Variants in MB21D2 observed in about 807,000 individuals in gnomAD.
MB21D2 encodes the protein Mab-21 domain containing 2.
Under a neutral mutation model 33.3 loss-of-function variants are expected in MB21D2, and 9 were observed. That is an observed-to-expected ratio of 0.27 (90% CI 0.16 to 0.47). MB21D2 has a LOEUF of 0.47. Ranked by LOEUF, MB21D2 falls within the 20% of genes least tolerant of loss-of-function variation. MB21D2 has a pLI of 0.99. For synonymous variants in MB21D2, 241 were observed against 236.3 expected (o/e 1.02, Z -0.18); for missense variants, 540 against 624.6 (o/e 0.86, Z 1.44).
chr3:192,844,800 C>T (rs184899541), intron 1 of MB21D2, among the ~76,000 whole-genome samples: 2 of 152,318 alleles, frequency 1.3e-5, no homozygotes, highest in East Asian at 3.9e-4. Context: ...ACAAGGACAC[C>T]ATTCACATAC....
At chr3:192,811,101 C>T (rs1018480277) in intron 1 of MB21D2, among the ~76,000 whole-genome samples, 1 of 152,224 alleles carries the variant, frequency 6.6e-6, no homozygotes, top group Non-Finnish European at 1.5e-5. Flanking sequence ...TGCAAGAGAA[C>T]TGACACCATT....
Position 192,797,147 on chromosome 3 carries a change from C to G in MB21D2, c.*1239G>C, listed in dbSNP as rs927360073. The stretch of plus-strand genomic sequence containing the variant: ...GCACCTAATCAGGCAAGTAACTTCA[C>G]TCATGAAGACAGGACACCTCTATAC... On this transcript the variant is annotated 3_prime_UTR_variant, in exon 2 of 2. Transcript: ENST00000392452. 6 of 152,796 alleles carry G rather than the reference C, an allele frequency of 3.9e-5. No homozygotes were observed. The highest frequency in any genetic ancestry group is 1.4e-4 in the African/African-American group (6 of 41,564). 9.5% of individuals were successfully genotyped at this position (152,796 alleles called of 1,614,324 possible).
intron 1 of MB21D2, among the ~76,000 whole-genome samples, chr3:192,816,912 G>A (rs1463411556): frequency 6.6e-6 from 1 of 151,852 alleles, no homozygotes; most frequent in African/African-American, 2.4e-5. Context: ...TTTCTCATAA[G>A]GTTCTTGGGA....
chr3:192,843,135 C>T (rs138057347), intron 1 of MB21D2, among the ~76,000 whole-genome samples: 1 of 152,034 alleles, frequency 6.6e-6, no homozygotes, highest in Non-Finnish European at 1.5e-5. Context: ...GGTCACAGAG[C>T]CTGAAGATTA....
intron 1 of MB21D2, among the ~76,000 whole-genome samples, chr3:192,805,431 T>C (rs550147901): frequency 2.6e-5 from 4 of 152,372 alleles, no homozygotes; most frequent in African/African-American, 9.6e-5. Flanking sequence ...AGAGTCTGCT[T>C]TATTTTGCAT....
chr3:192,801,779 C>A (rs528842249), intron 1 of MB21D2, among the ~76,000 whole-genome samples: 2 of 152,194 alleles, frequency 1.3e-5, no homozygotes, highest in Non-Finnish European at 2.9e-5. Context: ...TTTGACATAA[C>A]AGCCTGAATG....
At chr3:192,881,128 C>T (rs1713557191) in intron 1 of MB21D2, among the ~76,000 whole-genome samples, 1 of 152,082 alleles carries the variant, frequency 6.6e-6, no homozygotes, top group African/African-American at 2.4e-5. Context: ...TAATATCCTT[C>T]AGTATTAATT....
Position 192,798,653 on chromosome 3 carries a change from C to T in MB21D2, c.1209G>A (p.Val403=). 2 of 1,613,556 alleles carry T rather than the reference C, an allele frequency of 1.2e-6. No individual in the cohort carries two copies. The highest frequency in any genetic ancestry group is 1.7e-6 in the Non-Finnish European group (2 of 1,180,012). ...GCAAGTGCTCTGCCGGGTCTGAGCG[C>T]ACAGAGGACAGCTTCCGGGCGTGAA... ...VMLHARKLSS[V]RSDPAEHLRT... The change falls in exon 2 of 2, where the codon GTG becomes GTA. Residue 403 remains valine (V), a synonymous_variant. Transcript: ENST00000392452. This position sits in a 1 kb window ranked among gnomAD's most constrained non-coding sequence, Gnocchi z 4.8.
chr3:192,916,678 C>A (rs967882086), intron 1 of MB21D2, among the ~76,000 whole-genome samples: 5 of 152,190 alleles, frequency 3.3e-5, no homozygotes, highest in Non-Finnish European at 7.4e-5. Flanking sequence ...ATAATCCCAA[C>A]GGCAGGACAC....
chr3:192,827,067 T>C lies in MB21D2; in HGVS notation c.212-27417A>G, dbSNP rs137901740. On this transcript the variant is annotated intron_variant, in intron 1 of 1. Coordinates refer to ENST00000392452, the MANE Select transcript of MB21D2 (RefSeq NM_178496.4). ...CCACCACCACGTCCGGCTAATTTTTTGTATTTTTTTAGTAGAGACGGGGTT... is the reference window on the plus strand; with the variant it reads ...CCACCACCACGTCCGGCTAATTTTTCGTATTTTTTTAGTAGAGACGGGGTT... Among the ~76,000 whole-genome samples the C allele has an allele frequency of 4.2e-3, 637 of 152,208 alleles. 7 individuals carry two copies. The highest frequency in any genetic ancestry group is 5.9e-3 in the Non-Finnish European group (398 of 68,014).
chr3:192,905,650 A>AG (rs1446587224), intron 1 of MB21D2, among the ~76,000 whole-genome samples: 10 of 134,812 alleles, frequency 7.4e-5, no homozygotes, highest in African/African-American at 1.9e-4. Flanking sequence ...AAAAAAAAAA[A>AG]AAAAGAAAAA....
intron 1 of MB21D2, among the ~76,000 whole-genome samples, chr3:192,831,198 C>A (rs1376440995): frequency 6.6e-6 from 1 of 152,204 alleles, no homozygotes; most frequent in Non-Finnish European, 1.5e-5. Context: ...TGTCGCAGCA[C>A]TTCAAAGGAA....
At chr3:192,900,441 G>A (rs1714071406) in intron 1 of MB21D2, among the ~76,000 whole-genome samples, 1 of 152,154 alleles carries the variant, frequency 6.6e-6, no homozygotes, top group South Asian at 2.1e-4. Flanking sequence ...AGGGAGGAAA[G>A]CATTTAAAAG....
At chr3:192,822,674 G>A (rs1465836512) in intron 1 of MB21D2, among the ~76,000 whole-genome samples, 4 of 152,112 alleles carry the variant, frequency 2.6e-5, no homozygotes, top group African/African-American at 4.8e-5. Flanking sequence ...GCTTTTCTGC[G>A]TGCAAAACAG....
At chr3:192,839,955 T>C (rs970719127) in intron 1 of MB21D2, among the ~76,000 whole-genome samples, 1 of 150,732 alleles carries the variant, frequency 6.6e-6, no homozygotes, top group Non-Finnish European at 1.5e-5. Context: ...GCATGTAACA[T>C]GAAACCACCC....
At chr3:192,865,164 A>G (rs553742539) in intron 1 of MB21D2, among the ~76,000 whole-genome samples, 2 of 152,318 alleles carry the variant, frequency 1.3e-5, no homozygotes, top group African/African-American at 4.8e-5. Context: ...ATCTTAGAAC[A>G]TAATTATGTA....
chr3:192,859,866 C>T (rs2108633183), intron 1 of MB21D2, among the ~76,000 whole-genome samples: 1 of 152,220 alleles, frequency 6.6e-6, no homozygotes, highest in Non-Finnish European at 1.5e-5. Flanking sequence ...CGAGCCTGAC[C>T]AACATGGAGA....
intron 1 of MB21D2, among the ~76,000 whole-genome samples, chr3:192,908,945 A>G (rs1244778656): frequency 1.3e-5 from 2 of 152,110 alleles, no homozygotes; most frequent in Non-Finnish European, 2.9e-5. Context: ...CAGGATTTCC[A>G]AGAAAATCAG....
chr3:192,820,122 GGGGA>G (rs1176441186), intron 1 of MB21D2, among the ~76,000 whole-genome samples: 4 of 152,178 alleles, frequency 2.6e-5, no homozygotes, highest in Non-Finnish European at 5.9e-5. Context: ...GGGAGAGAAA[GGGGA>G]GGGAGATGCG....
Sources: gnomAD v4.1 joint callset for allele counts (sites outside exome capture counted in the v4.1 genomes callset) on GRCh38, gnomAD v4.1.1 for gene constraint, Gnocchi (gnomAD v3.1) non-coding constraint, MANE v1.5 for transcripts, NCBI Gene and HGNC (gene_info 2026-07-23, HGNC 2026-07-21) for gene names.